RNF4: variants seen among roughly 807,000 people sequenced by gnomAD.
RNF4 encodes ring finger protein 4, also known as E3 ubiquitin-protein ligase RNF4.
A neutral mutation model predicts 24.3 loss-of-function variants in RNF4; 7 were observed. The ratio of observed to expected loss-of-function variants is 0.29; its 90% CI spans 0.16 to 0.54. The LOEUF (loss-of-function observed/expected upper bound fraction) is 0.54. Ranked by LOEUF, RNF4 falls within the 20% of genes least tolerant of loss-of-function variation. The pLI is 0.95. For synonymous variants in RNF4, 83 were observed against 84.3 expected (o/e 0.98, Z 0.09); for missense variants, 209 against 248.5 (o/e 0.84, Z 1.07).
At position 2,491,556 on chromosome 4, in the gene RNF4, C is replaced by T. The variant is rs576473769; in HGVS notation, c.9+1054C>T. Among the ~76,000 whole-genome samples the T allele has an allele frequency of 2.0e-5, 3 of 152,272 alleles. 1 individual carries two copies. In the East Asian group the frequency reaches 5.8e-4, roughly 29 times the overall value. ...CTCCCAGGTTCAAGCGACTCTCCTG[C>T]CTCAGCCTCCGGAGTAGCTTGGATT... On this transcript the variant is annotated intron_variant, in intron 2 of 7. Transcript: ENST00000314289.
Position 2,515,208 on chromosome 4 carries a change from A to G in RNF4, c.*1389A>G, listed in dbSNP as rs778341321. The G allele has an allele frequency of 6.5e-6, 1 of 152,694 alleles. No homozygotes were observed. The highest frequency in any genetic ancestry group is 1.5e-5 in the Non-Finnish European group (1 of 68,050). The allele number at this position is 152,694 out of a possible 1,614,324, so 9.5% of individuals were successfully genotyped here. A position where few individuals can be genotyped will look rare whatever the true frequency, so the allele number is the denominator to read the frequency against. On this transcript the variant is annotated 3_prime_UTR_variant, in exon 8 of 8. Transcript: ENST00000314289. ...GGGGCCACTTCTGGCTTTGTTAGCA[A>G]TAACTGACCTTCAGTTTACCCTTCT...
intron 2 of RNF4, among the ~76,000 whole-genome samples, chr4:2,494,184 G>A (rs2108764542): frequency 6.6e-6 from 1 of 152,078 alleles, no homozygotes; most frequent in African/African-American, 2.4e-5. Context: ...ATTTTTTTTA[G>A]CAAGGCCATA....
At chr4:2,498,998 A>T (rs1735826010) in intron 3 of RNF4, among the ~76,000 whole-genome samples, 1 of 152,186 alleles carries the variant, frequency 6.6e-6, no homozygotes, top group African/African-American at 2.4e-5. Context: ...GGAGTTCAAG[A>T]CCAGCCTGGC....
At chr4:2,492,300 T>A (rs541688279) in intron 2 of RNF4, among the ~76,000 whole-genome samples, 9 of 152,190 alleles carry the variant, frequency 5.9e-5, no homozygotes, top group Non-Finnish European at 1.0e-4. Context: ...CCACCTAGGC[T>A]CCCAGAGTGA....
At chr4:2,486,040 G>A (rs960904072) in intron 1 of RNF4, among the ~76,000 whole-genome samples, 2 of 152,156 alleles carry the variant, frequency 1.3e-5, no homozygotes, top group African/African-American at 4.8e-5. Context: ...TGTGGGTCTT[G>A]GTATCAGACT....
chr4:2,495,667 T>G (rs998375653), intron 2 of RNF4, among the ~76,000 whole-genome samples: 1 of 151,378 alleles, frequency 6.6e-6, no homozygotes, highest in African/African-American at 2.4e-5. Context: ...AGATTTACTC[T>G]TGTTGCCCAG....
intron 4 of RNF4, among the ~76,000 whole-genome samples, chr4:2,504,779 G>C (rs1012190614): frequency 7.1e-6 from 1 of 140,468 alleles, no homozygotes; most frequent in African/African-American, 2.7e-5. Flanking sequence ...ACCCAGGCTG[G>C]AGTGCAGTGG....
chr4:2,477,674 A>G (rs1262691187), intron 1 of RNF4, among the ~76,000 whole-genome samples: 1 of 152,178 alleles, frequency 6.6e-6, no homozygotes, highest in African/African-American at 2.4e-5. Context: ...GGCATGACTT[A>G]CTTGCTTCTC....
chr4:2,505,036 T>TA (rs763384046), intron 4 of RNF4: 2 of 152,008 alleles, frequency 1.3e-5, no homozygotes, highest in Non-Finnish European at 2.9e-5. Context: ...ACCTGGCTGT[T>TA]ACATAGCTTT....
chr4:2,493,118 T>G (rs1735628887), intron 2 of RNF4, among the ~76,000 whole-genome samples: 1 of 152,038 alleles, frequency 6.6e-6, no homozygotes, highest in African/African-American at 2.4e-5. Context: ...TCTTGAGTGG[T>G]GCAGGGAAGC....
At chr4:2,505,535 CA>C (rs1427411788) in intron 4 of RNF4, 6 of 150,030 alleles carry the variant, frequency 4.0e-5, no homozygotes, top group African/African-American at 1.5e-4. Flanking sequence ...CCATGTTAGC[CA>C]GGATGGTCTC....
At position 2,485,141 on chromosome 4, in the gene RNF4, G is replaced by A. The variant is rs187781807; in HGVS notation, c.-157-5196G>A. Among the ~76,000 whole-genome samples, 74 of 152,178 alleles carry A rather than the reference G, an allele frequency of 4.9e-4. No individual in the cohort carries two copies. In the Middle Eastern group the frequency reaches 0.031, roughly 63 times the overall value. ...CAGCACTGCTTCCTCTAGACAGCCCGGCTTGATCCTCAGCGCGTTTGGGCT... is the reference window on the plus strand; with the variant it reads ...CAGCACTGCTTCCTCTAGACAGCCCAGCTTGATCCTCAGCGCGTTTGGGCT... On this transcript the variant is annotated intron_variant, in intron 1 of 7. Transcript: ENST00000314289.
At chr4:2,496,869 G>A in intron 2 of RNF4, 138 bp from the exon 3 acceptor site, 2 of 600,084 alleles carry the variant, frequency 3.3e-6, no homozygotes, top group Non-Finnish European at 2.9e-6. Flanking sequence ...TGAATCTCAA[G>A]TTTTGAAAGG....
At chr4:2,479,586 C>G (rs765199370) in intron 1 of RNF4, among the ~76,000 whole-genome samples, 1 of 152,164 alleles carries the variant, frequency 6.6e-6, no homozygotes, top group Admixed American at 6.5e-5. Context: ...CCGCCATCCA[C>G]GTAAGACGGG....
chr4:2,491,041 C>T (rs1394716923), intron 2 of RNF4, among the ~76,000 whole-genome samples: 1 of 152,126 alleles, frequency 6.6e-6, no homozygotes, highest in Non-Finnish European at 1.5e-5. Flanking sequence ...ATGATCACAC[C>T]ACTGCATTTC....
rs564509556 is a variant in RNF4 at position 2,512,939 on chromosome 4, G to A, written c.375-144G>A. The A allele has an allele frequency of 1.7e-5, 14 of 829,112 alleles. No homozygotes were observed. In the East Asian group the frequency reaches 2.7e-4, roughly 16 times the overall value. The allele number at this position is 829,112 out of a possible 1,614,324, so 51.4% of individuals were successfully genotyped here. On this transcript the variant is annotated intron_variant, in intron 6 of 7. Transcript: ENST00000314289. The surrounding 1 kb of genome is among the most constrained non-coding windows in gnomAD (Gnocchi z 4.1). ...TGCCCTTGGGGCAGTTGGCTTTCCT[G>A]AAAGTCTCTCGGATGCCCGCGCTAA...
At chr4:2,471,767 G>A (rs530363578) in intron 1 of RNF4, among the ~76,000 whole-genome samples, 8 of 152,328 alleles carry the variant, frequency 5.3e-5, no homozygotes, top group Non-Finnish European at 8.8e-5. Context: ...TCCCTTAAGC[G>A]AAAGCCTAAT....
intron 4 of RNF4, among the ~76,000 whole-genome samples, chr4:2,500,983 T>C (rs996758600): frequency 2.6e-5 from 4 of 152,260 alleles, no homozygotes; most frequent in Non-Finnish European, 5.9e-5. Flanking sequence ...TCATTTGTTA[T>C]AGCCTTGTCG....
rs1236629183 is a variant in RNF4 at position 2,514,159 on chromosome 4, C to G, written c.*340C>G. On this transcript the variant is annotated 3_prime_UTR_variant, in exon 8 of 8. Coordinates refer to ENST00000314289, the MANE Select transcript of RNF4 (RefSeq NM_002938.5). ...TCCCTGTTTGGAAAGTTTGCCCCAG[C>G]TTTCCCGGGCACACCACCTTTTGTC... is the stretch of plus-strand genomic sequence containing the variant. 3.6e-6 allele frequency: 1 copy of G among 277,014 alleles called. No individual in the cohort carries two copies. Among genetic ancestry groups the G allele is most frequent in the Non-Finnish European group, 7.0e-6 (1 of 142,904 alleles). 17.2% of individuals were successfully genotyped at this position (277,014 alleles called of 1,614,324 possible). A position where few individuals can be genotyped will look rare whatever the true frequency, so the allele number is the denominator to read the frequency against.
Sources: gnomAD v4.1 joint callset for allele counts (sites outside exome capture counted in the v4.1 genomes callset) on GRCh38, gnomAD v4.1.1 for gene constraint, Gnocchi (gnomAD v3.1) non-coding constraint, MANE v1.5 for transcripts, NCBI Gene and HGNC (gene_info 2026-07-23, HGNC 2026-07-21) for gene names.